Variants in HEATR5A observed in about 807,000 individuals in gnomAD.
HEATR5A encodes the protein HEAT repeat-containing protein 5A.
In HEATR5A, 178 loss-of-function variants were observed where a neutral mutation model predicts 218.8. The observed-to-expected ratio is 0.81, with a 90% CI of 0.72 to 0.92. The LOEUF is 0.92. Among genes scored for constraint, HEATR5A ranks in the 40% least tolerant of loss-of-function variants. The pLI is 0.00. For missense variants in HEATR5A, 2,420 were observed against 2,418.9 expected (o/e 1.00, Z -0.01); for synonymous variants, 864 against 871.6 (o/e 0.99, Z 0.15).
chr14:31,362,530 AG>A (rs1040987940), intron 14 of HEATR5A, among the ~76,000 whole-genome samples: 23 of 141,462 alleles, frequency 1.6e-4, no homozygotes, highest in African/African-American at 5.2e-4. Context: ...TGAGAGGCTG[AG>A]GTGGGAGGAT....
At position 31,315,769 on chromosome 14, in the gene HEATR5A, C is replaced by A; in HGVS notation, c.4218+1G>T. On this transcript the variant is annotated splice_donor_variant, in intron 27 of 35. Transcript: ENST00000543095. LOFTEE classifies it high-confidence loss of function. ...CCAGTTACAAATTAAGAAATACCAA[C>A]CTCTGCCCAGGCTTTAAGCACAGCT... is the stretch of plus-strand genomic sequence containing the variant. 6.3e-7 allele frequency: 1 copy of A among 1,576,242 alleles called. No homozygotes were observed. The highest frequency in any genetic ancestry group is 8.6e-7 in the Non-Finnish European group (1 of 1,160,444).
At chr14:31,401,252 A>C (rs1406727088) in intron 2 of HEATR5A, among the ~76,000 whole-genome samples, 1 of 152,132 alleles carries the variant, frequency 6.6e-6, no homozygotes, top group Non-Finnish European at 1.5e-5. Flanking sequence ...TGATTAGATC[A>C]AGGGGGTGGA....
rs144566299 is a variant in HEATR5A at position 31,362,857 on chromosome 14, T to C, written c.2071+1332A>G. Among the ~76,000 whole-genome samples the C allele has an allele frequency of 9.9e-4, 151 of 152,154 alleles. No homozygotes were observed. In the Middle Eastern group the frequency reaches 0.014, roughly 14 times the overall value. On this transcript the variant is annotated intron_variant, in intron 14 of 35. Transcript: ENST00000543095. ...TTTTAAGTCGAGATTCTTGTATTCC[T>C]AAATGTTTATTGAAGAGTTGAGCAG...
Position 31,349,871 on chromosome 14 carries a change from C to A in HEATR5A, c.2626G>T (p.Ala876Ser). ...GCTAATCTAGCCCATGACTCTGCAG[C>A]TGCACATCTCAGCAAGGGGTTGGGG... ...ESPNPLLRCA[A>S]AESWARLAQV... Residue 876 changes from alanine to serine, a missense_variant, in exon 18 of 36, where the codon GCT becomes TCT. By Grantham distance (99) the Ala-to-Ser change is moderately conservative. Coordinates refer to ENST00000543095, the MANE Select transcript of HEATR5A (RefSeq NM_015473.4). The A allele has an allele frequency of 6.2e-7, 1 of 1,612,828 alleles. No homozygotes were observed. The highest frequency in any genetic ancestry group is 8.5e-7 in the Non-Finnish European group (1 of 1,179,052).
intron 9 of HEATR5A, among the ~76,000 whole-genome samples, chr14:31,384,459 G>C (rs1240468747): frequency 6.8e-6 from 1 of 147,126 alleles, no homozygotes; most frequent in African/African-American, 2.5e-5. Context: ...AAAAAAAAAA[G>C]TCATACCCTG....
At position 31,402,936 on chromosome 14, in the gene HEATR5A, A is replaced by G; in HGVS notation, c.40T>C (p.Tyr14His). The G allele has an allele frequency of 2.0e-6, 3 of 1,536,128 alleles. No homozygotes were observed. Among genetic ancestry groups the G allele is most frequent in the East Asian group, 2.4e-5 (1 of 40,894 alleles). ...TTCTGAACTTCACCTAGTTGATTGT[A>G]TGCTTCTTCATTCAGCAGTAAGCTA... ...AHSLLLNEEA[Y>H]NQLGEVQKAE... The change falls in exon 2 of 36, where the codon TAC becomes CAC. Residue 14 changes from tyrosine (Y) to histidine (H), a missense_variant. Coordinates refer to ENST00000543095, the MANE Select transcript of HEATR5A (RefSeq NM_015473.4).
intron 29 of HEATR5A, 138 bp downstream of exon 29, chr14:31,308,796 C>T: frequency 1.6e-6 from 1 of 634,770 alleles, no homozygotes; most frequent in Non-Finnish European, 2.6e-6. Context: ...TTTTTATTTT[C>T]AGTTGACAAT....
chr14:31,403,665 T>C (rs2030956978), intron 1 of HEATR5A, among the ~76,000 whole-genome samples: 1 of 152,212 alleles, frequency 6.6e-6, no homozygotes, highest in Non-Finnish European at 1.5e-5. Flanking sequence ...TTTAAATGGG[T>C]ATTGTCCAGG....
At chr14:31,342,464 T>C (rs1900871393) in intron 21 of HEATR5A, among the ~76,000 whole-genome samples, 1 of 152,182 alleles carries the variant, frequency 6.6e-6, no homozygotes, top group Admixed American at 6.5e-5. Flanking sequence ...TGAAGACACA[T>C]GTCAAGACAG....
chr14:31,397,317 A>T (rs1446761764), intron 4 of HEATR5A, among the ~76,000 whole-genome samples: 1 of 152,106 alleles, frequency 6.6e-6, no homozygotes, highest in African/African-American at 2.4e-5. Context: ...AAGAGTAACC[A>T]GTGTGATGTT....
At chr14:31,294,151 T>A (rs1399365711) in intron 34 of HEATR5A, 47 bp from the exon 35 acceptor site, 3 of 1,252,470 alleles carry the variant, frequency 2.4e-6, no homozygotes, top group Non-Finnish European at 2.2e-6. Flanking sequence ...AATAAATTTT[T>A]AAAAAGTCCC....
intron 14 of HEATR5A, among the ~76,000 whole-genome samples, chr14:31,363,153 C>T (rs989457981): frequency 5.3e-5 from 8 of 151,012 alleles, no homozygotes; most frequent in Non-Finnish European, 7.4e-5. Flanking sequence ...GCAGGAGAAT[C>T]GTTTGAACAC....
intron 11 of HEATR5A, among the ~76,000 whole-genome samples, chr14:31,377,400 G>A (rs1056080049): frequency 1.6e-5 from 2 of 124,262 alleles, no homozygotes; most frequent in Non-Finnish European, 3.4e-5. Context: ...AAAATTCCAT[G>A]AGCTCATAAT....
At chr14:31,346,341 G>A (rs1225194863) in intron 19 of HEATR5A, among the ~76,000 whole-genome samples, 1 of 152,176 alleles carries the variant, frequency 6.6e-6, no homozygotes, top group Non-Finnish European at 1.5e-5. Flanking sequence ...TATATATAAA[G>A]ACGGGTGAAA....
At position 31,344,062 on chromosome 14, in the gene HEATR5A, T is replaced by C. The variant is rs1315722698; in HGVS notation, c.3062A>G (p.Asn1021Ser). The C allele has an allele frequency of 3.3e-6, 5 of 1,499,422 alleles. No individual in the cohort carries two copies. Among genetic ancestry groups the C allele is most frequent in the Non-Finnish European group, 4.5e-6 (5 of 1,119,694 alleles). The allele number at this position is 1,499,422 out of a possible 1,614,324, so 92.9% of individuals were successfully genotyped here. ...CCTTAAGGTAGAAATTGAAGTACTG[T>C]TACCTAAAATAAAAAGCAGAAAGCT... ...ITTLGPELQG[N>S]STSISTLRTS... Residue 1021 changes from asparagine to serine, a missense_variant, in exon 21 of 36, where the codon AAC becomes AGC. Transcript: ENST00000543095.
chr14:31,314,617 T>A (rs1022487051), intron 27 of HEATR5A, among the ~76,000 whole-genome samples: 7 of 152,060 alleles, frequency 4.6e-5, no homozygotes, highest in African/African-American at 1.4e-4. Context: ...CCCAGGCTGA[T>A]CTTGAACTCC....
intron 14 of HEATR5A, among the ~76,000 whole-genome samples, chr14:31,361,326 A>G (rs563711528): frequency 6.6e-6 from 1 of 152,360 alleles, no homozygotes; most frequent in African/African-American, 2.4e-5. Context: ...AAAAGATAAA[A>G]ACAAAAGCAC....
intron 16 of HEATR5A, among the ~76,000 whole-genome samples, chr14:31,353,192 T>C (rs1056925544): frequency 1.2e-4 from 19 of 152,054 alleles, no homozygotes; most frequent in African/African-American, 4.6e-4. Flanking sequence ...CCCTTAGACA[T>C]ATGAGTAAAA....
At chr14:31,342,020 A>G (rs991714329) in intron 21 of HEATR5A, among the ~76,000 whole-genome samples, 1 of 152,158 alleles carries the variant, frequency 6.6e-6, no homozygotes, top group African/African-American at 2.4e-5. Flanking sequence ...TTTCCCTAAT[A>G]CATGATTGAC....
Sources: allele counts gnomAD v4.1 joint callset (sites outside exome capture counted in the v4.1 genomes callset), GRCh38; gene constraint gnomAD v4.1.1; transcripts MANE v1.5; gene names NCBI Gene and HGNC (gene_info 2026-07-23, HGNC 2026-07-21).